SYNPO2: variants seen among roughly 807,000 people sequenced by gnomAD.
SYNPO2 encodes synaptopodin 2.
Under a neutral mutation model 85.0 loss-of-function variants are expected in SYNPO2, and 56 were observed. That is an observed-to-expected ratio of 0.66 (90% CI 0.53 to 0.82). The LOEUF is 0.82. Ranked by LOEUF, SYNPO2 falls within the 40% of genes least tolerant of loss-of-function variation. SYNPO2 has a pLI of 0.00. For missense variants in SYNPO2, 1,575 were observed against 1,534.2 expected (o/e 1.03, Z -0.44); for synonymous variants, 602 against 591.1 (o/e 1.02, Z -0.27).
intron 1 of SYNPO2, among the ~76,000 whole-genome samples, chr4:118,878,954 A>G (rs1210494846): frequency 6.6e-6 from 1 of 152,190 alleles, no homozygotes; most frequent in Non-Finnish European, 1.5e-5. Context: ...ACTACCTCTA[A>G]GAGCTGTAAC....
rs200577262 is a variant in SYNPO2 at position 119,030,220 on chromosome 4, A to G, written c.1445A>G (p.Glu482Gly). Residue 482 changes from glutamate to glycine, a missense_variant, in exon 4 of 5, where the codon GAG becomes GGG. By Grantham distance (98) the Glu-to-Gly change is moderately conservative. Around this residue, in one of 3 missense-constraint regions of SYNPO2, gnomAD observed 1,508 missense variants for 1,446.8 expected, o/e 1.04. Coordinates refer to ENST00000307142, the MANE Select transcript of SYNPO2 (RefSeq NM_133477.3). Reference protein sequence around the residue: ...EKKLNRGDKMEMLPDTTGKGA... With the variant: ...EKKLNRGDKMGMLPDTTGKGA... The stretch of plus-strand genomic sequence containing the variant: ...AAACTGAACAGAGGGGACAAGATGG[A>G]GATGTTACCAGACACCACAGGCAAG... The G allele has an allele frequency of 6.2e-7, 1 of 1,614,054 alleles. No individual in the cohort carries two copies. Among genetic ancestry groups the G allele is most frequent in the East Asian group, 2.2e-5 (1 of 44,866 alleles).
intron 2 of SYNPO2, among the ~76,000 whole-genome samples, chr4:119,025,280 A>G (rs1478432039): frequency 1.3e-5 from 2 of 151,452 alleles, no homozygotes; most frequent in Non-Finnish European, 2.9e-5. Context: ...CTAAATTAAA[A>G]CTCTCTGACC....
intron 1 of SYNPO2, among the ~76,000 whole-genome samples, chr4:118,976,727 G>A (rs1735762126): frequency 6.6e-6 from 1 of 152,186 alleles, no homozygotes; most frequent in Non-Finnish European, 1.5e-5. Flanking sequence ...CACAAACCTT[G>A]AGCTAAACAC....
At chr4:119,035,177 C>G (rs1738456567) in intron 4 of SYNPO2, 34 of 985,436 alleles carry the variant, frequency 3.5e-5, no homozygotes, top group Non-Finnish European at 4.0e-5. Flanking sequence ...TGACTTTCTG[C>G]AGGACCTTAA....
intron 1 of SYNPO2, among the ~76,000 whole-genome samples, chr4:118,987,642 T>TA (rs1560949211): frequency 9.4e-4 from 132 of 140,218 alleles, no homozygotes; most frequent in African/African-American, 3.4e-3. Flanking sequence ...GCAGCCCACA[T>TA]GAAAAAAAAA....
intron 1 of SYNPO2, among the ~76,000 whole-genome samples, chr4:118,863,806 T>C (rs1378808013): frequency 6.6e-6 from 1 of 152,114 alleles, no homozygotes; most frequent in Non-Finnish European, 1.5e-5. Context: ...GAGAAGGGGT[T>C]TTTCCATGTT....
At chr4:118,876,667 CTCTTTCTTTCTTTCTTTCTTTCTTT>C (rs1731918651) in intron 1 of SYNPO2, among the ~76,000 whole-genome samples, 36 of 112,168 alleles carry the variant, frequency 3.2e-4, no homozygotes, top group Admixed American at 6.9e-4. Context: ...TCCTTCCTTT[CTCTTTCTTTCTTTCTTTCTTTCTTT>C]CTTTCTTTCT....
intron 1 of SYNPO2, among the ~76,000 whole-genome samples, chr4:119,002,864 T>TATTCTAGGCTAC (rs56814625): frequency 6.6e-6 from 1 of 151,834 alleles, no homozygotes; most frequent in African/African-American, 2.4e-5. Context: ...TTCTAGGCTA[T>TATTCTAGGCTAC]TGATTTGAGT....
At chr4:119,026,244 G>A (rs1455442928) in intron 2 of SYNPO2, among the ~76,000 whole-genome samples, 1 of 152,148 alleles carries the variant, frequency 6.6e-6, no homozygotes, top group African/African-American at 2.4e-5. Context: ...ATAATGTCTA[G>A]ACCAAAACTT....
upstream of SYNPO2, among the ~76,000 whole-genome samples, chr4:118,883,961 C>T (rs560530467): frequency 3.5e-4 from 53 of 152,276 alleles, 1 homozygote; most frequent in South Asian, 3.7e-3. Flanking sequence ...CAGGGCTCTG[C>T]AAGCAGCAGA....
upstream of SYNPO2, chr4:118,888,788 G>C: frequency 5.9e-6 from 3 of 509,060 alleles, no homozygotes; most frequent in East Asian, 3.5e-5. Flanking sequence ...GGAGAGTGAC[G>C]CAAGAGTGGG....
At position 119,032,400 on chromosome 4, in the gene SYNPO2, A is replaced by G. The variant is rs151204001; in HGVS notation, c.3252+373A>G. 1.9e-4 allele frequency: 224 copies of G among 1,158,356 alleles called. 1 individual carries two copies. In the African/African-American group the frequency reaches 2.9e-3, roughly 15 times the overall value. The allele number at this position is 1,158,356 out of a possible 1,614,324, so 71.8% of individuals were successfully genotyped here. On this transcript the variant is annotated intron_variant, in intron 4 of 4. Transcript: ENST00000307142. Reference sequence around the variant, plus strand: ...CATCAGGAATCAGCCTTTATGTAACATAACAGCTGTCCTCCTATGGTGAAA... The same window carrying G: ...CATCAGGAATCAGCCTTTATGTAACGTAACAGCTGTCCTCCTATGGTGAAA...
At chr4:118,890,320 T>G (rs1732321073) in intron 1 of SYNPO2, among the ~76,000 whole-genome samples, 1 of 152,038 alleles carries the variant, frequency 6.6e-6, no homozygotes, top group African/African-American at 2.4e-5. Context: ...CATAAAACAG[T>G]AGATGAAAAG....
At chr4:118,978,327 T>G (rs1735870605) in intron 1 of SYNPO2, among the ~76,000 whole-genome samples, 1 of 152,216 alleles carries the variant, frequency 6.6e-6, no homozygotes, top group South Asian at 2.1e-4. Context: ...TTATTTACTT[T>G]TTAGAATTCT....
At chr4:118,923,589 G>A (rs1164217891) in intron 1 of SYNPO2, among the ~76,000 whole-genome samples, 16 of 152,084 alleles carry the variant, frequency 1.1e-4, no homozygotes, top group Non-Finnish European at 2.4e-4. Context: ...CTGCCATATT[G>A]CACAAGTAAC....
At chr4:118,955,159 C>G (rs899972856) in intron 1 of SYNPO2, among the ~76,000 whole-genome samples, 1 of 152,062 alleles carries the variant, frequency 6.6e-6, no homozygotes, top group African/African-American at 2.4e-5. Flanking sequence ...ACCACCACAC[C>G]TGGGTAACGT....
At chr4:119,007,894 TAGAGGAATATATGAGA>T (rs1347329159) in intron 1 of SYNPO2, among the ~76,000 whole-genome samples, 1 of 151,974 alleles carries the variant, frequency 6.6e-6, no homozygotes, top group South Asian at 2.1e-4. Context: ...TATGTGTTAA[TAGAGGAATATATGAGA>T]ATGGATCACA....
rs531465535 is a variant in SYNPO2, at chr4:118,915,211, A to G, written c.105+26070A>G. Among the ~76,000 whole-genome samples the G allele has an allele frequency of 3.3e-5, 5 of 152,190 alleles. No homozygotes were observed. The East Asian group carries it at 5.8e-4, about 18-fold the overall frequency. ...AATTATTTCTAATAATATCATAAAC[A>G]TATGTAATACCAACTCCCCAAACAA... On this transcript the variant is annotated intron_variant, in intron 1 of 4. Coordinates refer to ENST00000307142, the MANE Select transcript of SYNPO2 (RefSeq NM_133477.3).
rs1738259803 is a variant in SYNPO2 at position 119,031,513 on chromosome 4, A to G, written c.2738A>G (p.Tyr913Cys). 6.2e-7 allele frequency: 1 copy of G among 1,613,208 alleles called. No individual in the cohort carries two copies. The highest frequency in any genetic ancestry group is 1.3e-5 in the African/African-American group (1 of 74,656). The stretch of plus-strand genomic sequence containing the variant: ...CCATCTCTCCCGGCCAGTTGGAAGT[A>G]CTCCTCCAATGTCCGAGCACCTCCT... The part of the protein sequence containing the change: ...PTPSLPASWK[Y>C]SSNVRAPPPV... The change falls in exon 4 of 5, where the codon TAC (tyrosine) becomes TGC (cysteine). Residue 913 changes from tyrosine to cysteine, a missense_variant. Tyr to Cys is a radical substitution (Grantham distance 194). Transcript: ENST00000307142.
Sources: gnomAD v4.1 joint callset for allele counts (sites outside exome capture counted in the v4.1 genomes callset) on GRCh38, gnomAD v4.1.1 for gene constraint, gnomAD v4.1.1 regional missense constraint, MANE v1.5 for transcripts, NCBI Gene and HGNC (gene_info 2026-07-23, HGNC 2026-07-21) for gene names.